The following AIG1 variants were observed in gnomAD, a reference collection of about 807,000 sequenced individuals.
AIG1 encodes the protein androgen induced 1.
In AIG1, 23 loss-of-function variants were observed where a neutral mutation model predicts 31.4. That is an observed-to-expected ratio of 0.73 (90% CI 0.53 to 1.04). AIG1 has a LOEUF of 1.04. AIG1 is among the 50% of genes least tolerant of loss of function. AIG1 has a pLI of 0.00. For missense variants in AIG1, 274 were observed against 295.0 expected (o/e 0.93, Z 0.52); for synonymous variants, 100 against 110.5 (o/e 0.90, Z 0.60).
At chr6:143,311,747 G>C (rs1382570098) in intron 4 of AIG1, among the ~76,000 whole-genome samples, 1 of 151,788 alleles carries the variant, frequency 6.6e-6, no homozygotes, top group Non-Finnish European at 1.5e-5. Flanking sequence ...AAGAAATAGA[G>C]AGCATCCAAA....
intron 3 of AIG1, among the ~76,000 whole-genome samples, chr6:143,238,141 A>G (rs1251913279): frequency 6.6e-6 from 1 of 152,030 alleles, no homozygotes; most frequent in East Asian, 1.9e-4. Flanking sequence ...GGGTTTCACC[A>G]TGTTGGCCAG....
Position 143,330,699 on chromosome 6 carries a change from C to A in AIG1, c.516-2583C>A, listed in dbSNP as rs937733208. ...CCATCCGACTGCTCCAGTGCAAACA[C>A]CCTGTAGCACAGACTGATTAAAATT... On this transcript the variant is annotated intron_variant, in intron 4 of 5. Transcript: ENST00000357847. This position sits in a 1 kb window ranked among gnomAD's most constrained non-coding sequence, Gnocchi z 4.4. 6.6e-6 allele frequency among the ~76,000 whole-genome samples: 1 copy of A among 152,130 alleles called. No individual in the cohort carries two copies. The highest frequency in any genetic ancestry group is 1.5e-5 in the Non-Finnish European group (1 of 68,020).
chr6:143,099,615 A>C (rs1048107715), intron 1 of AIG1: 3 of 152,122 alleles, frequency 2.0e-5, no homozygotes, highest in African/African-American at 7.2e-5. Context: ...CCTAAACAAA[A>C]TATTGTGTTG....
rs1456485365 is a variant in AIG1, at chr6:143,326,949, G to T, written c.516-6333G>T. 6.6e-6 allele frequency among the ~76,000 whole-genome samples: 1 copy of T among 152,174 alleles called. No homozygotes were observed. Among genetic ancestry groups the T allele is most frequent in the African/African-American group, 2.4e-5 (1 of 41,438 alleles). On this transcript the variant is annotated intron_variant, in intron 4 of 5. Transcript: ENST00000357847. The surrounding 1 kb of genome is among the most constrained non-coding windows in gnomAD (Gnocchi z 4.5). The stretch of plus-strand genomic sequence containing the variant: ...CTCTATGAAGAGCACTCTAGACTTT[G>T]TTGAAACTTTGGGTCTCTAACAAAA...
At chr6:143,324,096 T>C (rs1045020704) in intron 4 of AIG1, among the ~76,000 whole-genome samples, 1 of 152,162 alleles carries the variant, frequency 6.6e-6, no homozygotes, top group Admixed American at 6.5e-5. Flanking sequence ...CCATATCTTA[T>C]CCCACCCTGG....
intron 2 of AIG1, 118 bp downstream of exon 2, chr6:143,137,108 C>A: frequency 9.0e-7 from 1 of 1,106,572 alleles, no homozygotes; most frequent in Non-Finnish European, 1.2e-6. Flanking sequence ...TTTGCTGGAG[C>A]TGTCAGTACC....
intron 3 of AIG1, among the ~76,000 whole-genome samples, chr6:143,203,589 A>G (rs1025608322): frequency 6.6e-6 from 1 of 152,210 alleles, no homozygotes; most frequent in African/African-American, 2.4e-5. Flanking sequence ...TGGGGAGATT[A>G]GGCTTCTCTA....
intron 3 of AIG1, among the ~76,000 whole-genome samples, chr6:143,205,380 CCA>C (rs1183352005): frequency 1.3e-5 from 2 of 152,156 alleles, no homozygotes; most frequent in African/African-American, 2.4e-5. Context: ...CCTGTTGTAT[CCA>C]CAGAGCTGTT....
chr6:143,240,259 T>C (rs1457068280), intron 3 of AIG1, among the ~76,000 whole-genome samples: 1 of 152,214 alleles, frequency 6.6e-6, no homozygotes, highest in Non-Finnish European at 1.5e-5. Flanking sequence ...GAAATGAGTA[T>C]AGGTGGTGTA....
At chr6:143,309,824 A>AAC (rs142353559) in intron 4 of AIG1, among the ~76,000 whole-genome samples, 10,305 of 152,080 alleles carry the variant, frequency 0.068, 592 homozygotes, top group East Asian at 0.28. Flanking sequence ...TGCTAACACT[A>AAC]ATCAAAATAA....
chr6:143,083,874 C>T (rs908411132), intron 1 of AIG1, among the ~76,000 whole-genome samples: 1 of 152,198 alleles, frequency 6.6e-6, no homozygotes, highest in East Asian at 1.9e-4. Flanking sequence ...ACGTGTGTTC[C>T]TTCTCCTATG....
intron 3 of AIG1, among the ~76,000 whole-genome samples, chr6:143,173,767 A>G (rs570407571): frequency 6.7e-4 from 102 of 152,168 alleles, no homozygotes; most frequent in Middle Eastern, 3.4e-3. Flanking sequence ...TATAATTTAG[A>G]TTTTCTTAAA....
chr6:143,110,836 C>T (rs912945896), intron 1 of AIG1, among the ~76,000 whole-genome samples: 3 of 152,046 alleles, frequency 2.0e-5, no homozygotes, highest in Non-Finnish European at 2.9e-5. Flanking sequence ...ATTGAGTAAT[C>T]GCATAGTTGA....
At position 143,330,249 on chromosome 6, in the gene AIG1, G is replaced by A. The variant is rs1776963941; in HGVS notation, c.516-3033G>A. 6.6e-6 allele frequency among the ~76,000 whole-genome samples: 1 copy of A among 152,110 alleles called. No homozygotes were observed. The highest frequency in any genetic ancestry group is 2.1e-4 in the South Asian group (1 of 4,824). On this transcript the variant is annotated intron_variant, in intron 4 of 5. Coordinates refer to ENST00000357847, the MANE Select transcript of AIG1 (RefSeq NM_016108.4). This position sits in a 1 kb window ranked among gnomAD's most constrained non-coding sequence, Gnocchi z 4.4. ...AAACAGACAAATAAAAATAAGTAGA[G>A]TATATTATTTGGCTGGGAGAAAAAA... is the stretch of plus-strand genomic sequence containing the variant.
At position 143,151,519 on chromosome 6, in the gene AIG1, C is replaced by T. The variant is rs141555020; in HGVS notation, c.298-13563C>T. Among the ~76,000 whole-genome samples the T allele has an allele frequency of 9.6e-3, 1,458 of 152,268 alleles. 8 individuals carry two copies. The highest frequency in any genetic ancestry group is 0.015 in the Non-Finnish European group (1,003 of 68,018). ...ACAAAACACAGAAAGCCATAGCCTT[C>T]GTCCTCTCCTAGCCCCATAGCAATT... On this transcript the variant is annotated intron_variant, in intron 2 of 5. Coordinates refer to ENST00000357847, the MANE Select transcript of AIG1 (RefSeq NM_016108.4).
At chr6:143,187,786 C>G (rs1789405430) in intron 3 of AIG1, 5 of 1,505,532 alleles carry the variant, frequency 3.3e-6, no homozygotes, top group Non-Finnish European at 4.4e-6. Flanking sequence ...TGGAAATGAC[C>G]TTGAAGCGAA....
intron 1 of AIG1, among the ~76,000 whole-genome samples, chr6:143,089,160 G>T (rs56139045): frequency 0.13 from 19,127 of 151,070 alleles, 3,737 homozygotes; most frequent in African/African-American, 0.42. Context: ...AGTGAGCCAA[G>T]ATCATGCCAT....
chr6:143,134,585 A>G (rs893700411), intron 1 of AIG1, among the ~76,000 whole-genome samples: 2 of 152,050 alleles, frequency 1.3e-5, no homozygotes, highest in African/African-American at 4.8e-5. Flanking sequence ...GTACACATAT[A>G]TGAGAGTTTC....
chr6:143,168,793 G>C (rs756017124), intron 3 of AIG1, among the ~76,000 whole-genome samples: 2 of 151,950 alleles, frequency 1.3e-5, no homozygotes, highest in Non-Finnish European at 2.9e-5. Flanking sequence ...ACAGGAGTGA[G>C]ACCCTGTCTC....
Sources: gnomAD v4.1 joint callset for allele counts (sites outside exome capture counted in the v4.1 genomes callset) on GRCh38, gnomAD v4.1.1 for gene constraint, Gnocchi (gnomAD v3.1) non-coding constraint, MANE v1.5 for transcripts, NCBI Gene and HGNC (gene_info 2026-07-23, HGNC 2026-07-21) for gene names.